The following LSAMP variants were observed in gnomAD, a reference collection of about 807,000 sequenced individuals.
The protein encoded by LSAMP is limbic system-associated membrane protein.
In LSAMP, 7 loss-of-function variants were observed where a neutral mutation model predicts 38.6. The ratio of observed to expected loss-of-function variants is 0.18; its 90% CI spans 0.10 to 0.34. LSAMP has a LOEUF of 0.34. Among genes scored for constraint, LSAMP ranks in the 10% least tolerant of loss-of-function variants. The pLI is 1.00. For missense variants in LSAMP, 313 were observed against 420.0 expected (o/e 0.75, Z 2.23); for synonymous variants, 154 against 166.8 (o/e 0.92, Z 0.59).
intron 2 of LSAMP, among the ~76,000 whole-genome samples, chr3:116,084,042 T>C (rs1225799666): frequency 1.3e-5 from 2 of 152,178 alleles, no homozygotes; most frequent in East Asian, 1.9e-4. Flanking sequence ...AATAGTATCC[T>C]GAATCAGACA....
rs142313647 is a variant in LSAMP at position 116,087,378 on chromosome 3, A to G, written c.156-822T>C. On this transcript the variant is annotated intron_variant, in intron 1 of 6. Coordinates refer to ENST00000490035, the MANE Select transcript of LSAMP (RefSeq NM_002338.5). ...TCTCTTTCTGAAATTTGAAAGGGGC[A>G]AAGAACATGCATTAGTGAAGGAGGG... 8.8e-3 allele frequency among the ~76,000 whole-genome samples: 1,342 copies of G among 152,366 alleles called. 16 individuals are homozygous for G. The highest frequency in any genetic ancestry group is 0.065 in the Middle Eastern group (19 of 294).
At chr3:115,976,820 C>G (rs1248272314) in intron 3 of LSAMP, among the ~76,000 whole-genome samples, 2 of 152,134 alleles carry the variant, frequency 1.3e-5, no homozygotes, top group South Asian at 2.1e-4. Context: ...TGAAGATGTG[C>G]TTGCTTCCCC....
intron 1 of LSAMP, among the ~76,000 whole-genome samples, chr3:116,148,148 T>C (rs1285933578): frequency 6.7e-6 from 1 of 149,202 alleles, no homozygotes; most frequent in Non-Finnish European, 1.5e-5. Context: ...AGGAATGTTA[T>C]CCAATTTGCA....
At chr3:116,429,535 C>T (rs2049251249) in intron 1 of LSAMP, among the ~76,000 whole-genome samples, 2 of 152,146 alleles carry the variant, frequency 1.3e-5, no homozygotes, top group Non-Finnish European at 2.9e-5. Flanking sequence ...AGAAGTCACA[C>T]AAACAAAGCA....
chr3:116,401,134 C>T (rs944280767), intron 1 of LSAMP, among the ~76,000 whole-genome samples: 2 of 152,212 alleles, frequency 1.3e-5, no homozygotes, highest in Non-Finnish European at 1.5e-5. Flanking sequence ...CTATTGCTCA[C>T]CTAATATCCC....
intron 1 of LSAMP, among the ~76,000 whole-genome samples, chr3:116,179,456 C>G (rs1411248847): frequency 6.6e-6 from 1 of 152,068 alleles, no homozygotes; most frequent in East Asian, 1.9e-4. Flanking sequence ...TCAGTCCCTT[C>G]TCATACTGCT....
chr3:116,345,313 T>C (rs1225250887), intron 1 of LSAMP, among the ~76,000 whole-genome samples: 1 of 152,200 alleles, frequency 6.6e-6, no homozygotes, highest in Admixed American at 6.5e-5. Flanking sequence ...CATTATACTA[T>C]AGTTATAAAG....
At chr3:116,123,650 G>A (rs1708938575) in intron 1 of LSAMP, among the ~76,000 whole-genome samples, 1 of 152,112 alleles carries the variant, frequency 6.6e-6, no homozygotes, top group Non-Finnish European at 1.5e-5. Flanking sequence ...TATTTTAAAT[G>A]GATAAGGGTA....
chr3:116,282,008 C>G (rs1445772137), intron 1 of LSAMP, among the ~76,000 whole-genome samples: 2 of 152,202 alleles, frequency 1.3e-5, no homozygotes, highest in Non-Finnish European at 2.9e-5. Flanking sequence ...TAAGTGATTA[C>G]ACATGTGCTG....
At chr3:116,047,042 C>T (rs555518569) in intron 2 of LSAMP, among the ~76,000 whole-genome samples, 1 of 152,238 alleles carries the variant, frequency 6.6e-6, no homozygotes, top group Admixed American at 6.5e-5. Context: ...TGCAGCCATG[C>T]TCAGATACTT....
intron 1 of LSAMP, among the ~76,000 whole-genome samples, chr3:116,237,067 A>G (rs2107634272): frequency 6.6e-6 from 1 of 152,152 alleles, no homozygotes; most frequent in Non-Finnish European, 1.5e-5. Flanking sequence ...AGACACTAAG[A>G]TGACTTTCTG....
intron 3 of LSAMP, among the ~76,000 whole-genome samples, chr3:115,986,860 A>G (rs1939524491): frequency 6.6e-6 from 1 of 152,164 alleles, no homozygotes; most frequent in African/African-American, 2.4e-5. Flanking sequence ...CCTTTTTCCC[A>G]GGGAGCCTCA....
chr3:116,138,808 C>A (rs746353056), intron 1 of LSAMP, among the ~76,000 whole-genome samples: 8 of 146,388 alleles, frequency 5.5e-5, no homozygotes, highest in African/African-American at 7.5e-5. Context: ...TGAAGTCTTA[C>A]CTTACGTAAA....
intron 3 of LSAMP, among the ~76,000 whole-genome samples, chr3:115,873,584 T>C (rs1936105645): frequency 6.6e-6 from 1 of 152,114 alleles, no homozygotes; most frequent in South Asian, 2.1e-4. Flanking sequence ...GTTCATTTTG[T>C]TTTACAAAAT....
At chr3:115,994,040 T>G (rs1037036847) in intron 3 of LSAMP, among the ~76,000 whole-genome samples, 2 of 152,058 alleles carry the variant, frequency 1.3e-5, no homozygotes, top group Non-Finnish European at 2.9e-5. Context: ...TTGGTGTTTG[T>G]TTGTTTGCTT....
At chr3:116,042,591 G>A (rs1236374789) in intron 2 of LSAMP, among the ~76,000 whole-genome samples, 6 of 151,952 alleles carry the variant, frequency 3.9e-5, no homozygotes, top group African/African-American at 9.7e-5. Context: ...CACCATGCCC[G>A]GTTAATTTTT....
intron 1 of LSAMP, among the ~76,000 whole-genome samples, chr3:116,120,442 T>G (rs1339603262): frequency 2.0e-5 from 3 of 151,868 alleles, no homozygotes; most frequent in African/African-American, 7.3e-5. Context: ...AGAAAGGGCC[T>G]GGGAATTTTG....
At chr3:116,191,493 C>T (rs547762219) in intron 1 of LSAMP, among the ~76,000 whole-genome samples, 1 of 152,036 alleles carries the variant, frequency 6.6e-6, no homozygotes. Context: ...TCCCAAATGA[C>T]TCTGCAGCCC....
In LSAMP at chr3:116,238,184, C is replaced by T. The variant is rs779647574; in HGVS notation, c.156-151628G>A. Reference sequence around the variant, plus strand: ...GAGTAATCAATCCTCATAGGATCCCCGTATTTATCACCAGGCCTTCTGGGG... The same window carrying T: ...GAGTAATCAATCCTCATAGGATCCCTGTATTTATCACCAGGCCTTCTGGGG... On this transcript the variant is annotated intron_variant, in intron 1 of 6. Coordinates refer to ENST00000490035, the MANE Select transcript of LSAMP (RefSeq NM_002338.5). 5.3e-5 allele frequency among the ~76,000 whole-genome samples: 8 copies of T among 152,134 alleles called. No individual in the cohort carries two copies. In the East Asian group the frequency reaches 5.8e-4, roughly 11 times the overall value.
Sources: gnomAD v4.1 joint callset for allele counts (sites outside exome capture counted in the v4.1 genomes callset) on GRCh38, gnomAD v4.1.1 for gene constraint, MANE v1.5 for transcripts, NCBI Gene and HGNC (gene_info 2026-07-23, HGNC 2026-07-21) for gene names.